The following IGSF9 variants were observed in gnomAD, a reference collection of about 807,000 sequenced individuals.
IGSF9 encodes protein turtle homolog A.
In IGSF9, 87 loss-of-function variants were observed where a neutral mutation model predicts 121.7. The ratio of observed to expected loss-of-function variants is 0.71; its 90% CI spans 0.60 to 0.85. The LOEUF is 0.85. Among genes scored for constraint, IGSF9 ranks in the 40% least tolerant of loss-of-function variants. The probability of loss-of-function intolerance (pLI) is 0.00; values close to 1 mark genes in which losing one functional copy is unlikely to be tolerated. For missense variants in IGSF9, 1,462 were observed against 1,565.3 expected (o/e 0.93, Z 1.11); for synonymous variants, 640 against 648.4 (o/e 0.99, Z 0.20).
chr1:159,929,746 C>A lies in IGSF9; in HGVS notation c.2218G>T (p.Val740Leu), dbSNP rs752765616. The change falls in exon 17 of 21, where the codon GTG becomes TTG. Residue 740 changes from valine to leucine, a missense_variant. Around this residue, in one of 3 missense-constraint regions of IGSF9, gnomAD observed 808 missense variants for 815.2 expected, o/e 0.99. Coordinates refer to ENST00000368094, the MANE Select transcript of IGSF9 (RefSeq NM_001135050.2). ...LLPQPVLAGV[V>L]GGVCFLGVAV... ...ACTCCCAGAAAGCAGACTCCGCCCA[C>A]CACGCCGGCCAGCACGGGCTGAGGC... is the stretch of plus-strand genomic sequence containing the variant. 1 of 1,604,016 alleles carries A rather than the reference C, an allele frequency of 6.2e-7. No homozygotes were observed. The highest frequency in any genetic ancestry group is 1.7e-5 in the Admixed American group (1 of 58,742).
intron 5 of IGSF9, 116 bp from the exon 6 acceptor site, chr1:159,936,632 G>A (rs928525509): frequency 1.4e-4 from 218 of 1,522,084 alleles, no homozygotes; most frequent in Non-Finnish European, 1.8e-4. Context: ...ACAATGCCAA[G>A]CCCTTCTTCT....
rs1650978837 is a variant in IGSF9 at position 159,931,069 on chromosome 1, G to A, written c.1637+69C>T. On this transcript the variant is annotated intron_variant, in intron 13 of 20. Coordinates refer to ENST00000368094, the MANE Select transcript of IGSF9 (RefSeq NM_001135050.2). The surrounding 1 kb of genome is among the most constrained non-coding windows in gnomAD (Gnocchi z 4.8). ...GGACAGAAGAAAGGGCAGAAGGCCAGATAGGTTCAAGGAGGAGAGGAAAGG... is the reference window on the plus strand; with the variant it reads ...GGACAGAAGAAAGGGCAGAAGGCCAAATAGGTTCAAGGAGGAGAGGAAAGG... 4 of 1,606,406 alleles carry A rather than the reference G, an allele frequency of 2.5e-6. No individual in the cohort carries two copies. Among genetic ancestry groups the A allele is most frequent in the Non-Finnish European group, 3.4e-6 (4 of 1,174,496 alleles).
At chr1:159,937,259 G>C (rs1161260822) in intron 4 of IGSF9, among the ~76,000 whole-genome samples, 2 of 152,198 alleles carry the variant, frequency 1.3e-5, no homozygotes, top group African/African-American at 4.8e-5. Context: ...TATGCAATGG[G>C]AATGATTATG....
intron 3 of IGSF9, 78 bp from the exon 4 acceptor site, chr1:159,937,916 TTA>T: frequency 6.8e-7 from 1 of 1,466,964 alleles, no homozygotes; most frequent in South Asian, 1.2e-5. Flanking sequence ...CTGGTAATTC[TTA>T]GAGGTAAGAA....
chr1:159,935,307 C>A (rs1409809710), intron 6 of IGSF9, among the ~76,000 whole-genome samples: 2 of 152,170 alleles, frequency 1.3e-5, no homozygotes, highest in Admixed American at 1.3e-4. Flanking sequence ...TGCTCAGGAA[C>A]CTGCAACAGC....
chr1:159,939,031 C>T (rs955305527), intron 3 of IGSF9, among the ~76,000 whole-genome samples: 1 of 152,176 alleles, frequency 6.6e-6, no homozygotes, highest in Non-Finnish European at 1.5e-5. Context: ...CGATTACCTC[C>T]CATATCTACT....
At position 159,931,773 on chromosome 1, in the gene IGSF9, T is replaced by G. The variant is rs925310675; in HGVS notation, c.1362+39A>C. The G allele has an allele frequency of 1.4e-6, 2 of 1,473,698 alleles. No individual in the cohort carries two copies. The highest frequency in any genetic ancestry group is 1.9e-6 in the Non-Finnish European group (2 of 1,079,420). 91.3% of individuals were successfully genotyped at this position (1,473,698 alleles called of 1,614,324 possible). On this transcript the variant is annotated intron_variant, in intron 11 of 20. Transcript: ENST00000368094. The surrounding 1 kb of genome is among the most constrained non-coding windows in gnomAD (Gnocchi z 4.8). ...TGGGGCACGAGAGGCAGGGGTGTAG[T>G]GGGCGTGGGTACAGGCAGAGCGGGC...
Position 159,934,903 on chromosome 1 carries a change from C to T in IGSF9, c.674-81G>A, listed in dbSNP as rs1429530712. ...CTGAGGTCACCTCTACAACTCTTCC[C>T]AGCTCTGCTCTCTGGAATCTTAGGG... On this transcript the variant is annotated intron_variant, in intron 6 of 20. Coordinates refer to ENST00000368094, the MANE Select transcript of IGSF9 (RefSeq NM_001135050.2). 5.9e-6 allele frequency: 9 copies of T among 1,528,234 alleles called. No individual in the cohort carries two copies. The Admixed American group carries it at 1.4e-4, about 24-fold the overall frequency. The allele number at this position is 1,528,234 out of a possible 1,614,324, so 94.7% of individuals were successfully genotyped here. A position where few individuals can be genotyped will look rare whatever the true frequency, so the allele number is the denominator to read the frequency against.
In IGSF9 at chr1:159,932,804, C is replaced by T. The variant is rs1651043370; in HGVS notation, c.1105-152G>A. ...CTAGGCCTGACCCCTCTCTGATTTC[C>T]AGTGCTTCCTTTCCTTCCTGCAGAG... On this transcript the variant is annotated intron_variant, in intron 9 of 20. Transcript: ENST00000368094. The surrounding 1 kb of genome is among the most constrained non-coding windows in gnomAD (Gnocchi z 4.1). 1 of 704,194 alleles carries T rather than the reference C, an allele frequency of 1.4e-6. No individual in the cohort carries two copies. The highest frequency in any genetic ancestry group is 3.2e-5 in the Admixed American group (1 of 31,002). 43.6% of individuals were successfully genotyped at this position (704,194 alleles called of 1,614,324 possible). A position where few individuals can be genotyped will look rare whatever the true frequency, so the allele number is the denominator to read the frequency against.
In IGSF9 at chr1:159,927,449, G is replaced by T; in HGVS notation, c.3436C>A (p.Arg1146=). Residue 1146 remains arginine, a synonymous_variant, in exon 21 of 21, where the codon CGG becomes AGG. Transcript: ENST00000368094. ...CGGCGGAAGGCCAGGAATTCCTCCCGAAGGGCAGCACAGCGGGCCTCAGGG... is the reference window on the plus strand; with the variant it reads ...CGGCGGAAGGCCAGGAATTCCTCCCTAAGGGCAGCACAGCGGGCCTCAGGG... ...TGPEARCAAL[R]EEFLAFRRRR... is the part of the protein sequence containing the mutation. The T allele has an allele frequency of 6.2e-7, 1 of 1,614,162 alleles. No individual in the cohort carries two copies. The highest frequency in any genetic ancestry group is 8.5e-7 in the Non-Finnish European group (1 of 1,180,034).
intron 3 of IGSF9, among the ~76,000 whole-genome samples, chr1:159,942,443 G>A (rs1429979041): frequency 6.6e-6 from 1 of 152,126 alleles, no homozygotes; most frequent in Non-Finnish European, 1.5e-5. Flanking sequence ...AAAGCAGAGA[G>A]GTCACAGCCG....
intron 5 of IGSF9, 61 bp from the exon 6 acceptor site, chr1:159,936,577 C>T (rs1341023291): frequency 7.7e-6 from 12 of 1,564,440 alleles, no homozygotes; most frequent in Admixed American, 3.5e-5. Flanking sequence ...CCTGCACTTC[C>T]GAGTTTGGCC....
rs760696488 is a variant in IGSF9, at chr1:159,931,583, G to T, written c.1383C>A (p.Gly461=). The change falls in exon 12 of 21, where the codon GGC becomes GGA. Residue 461 remains glycine, a synonymous_variant. Transcript: ENST00000368094. This position sits in a 1 kb window ranked among gnomAD's most constrained non-coding sequence, Gnocchi z 4.8. ...SWTKVGRGLQ[G]QAQVDSNSSL... ...TGCTGTTGCTGTCCACCTGGGCCTGGCCTTGCAGCCCCCGGCCCACCTACA... is the reference window on the plus strand; with the variant it reads ...TGCTGTTGCTGTCCACCTGGGCCTGTCCTTGCAGCCCCCGGCCCACCTACA... The T allele has an allele frequency of 2.5e-6, 4 of 1,613,930 alleles. No homozygotes were observed. In the South Asian group the frequency reaches 3.3e-5, roughly 13 times the overall value.
At position 159,928,778 on chromosome 1, in the gene IGSF9, C is replaced by T; in HGVS notation, c.2610G>A (p.Gln870=). ...AAPQERSGRE[Q]AEPRTPAQRL... The stretch of plus-strand genomic sequence containing the variant: ...GCTGGGCTGGAGTCCGAGGTTCTGC[C>T]TGCTCCCGGCCTGACCTTTCCTGGG... Residue 870 remains glutamine, a synonymous_variant, in exon 19 of 21, where the codon CAG becomes CAA. Coordinates refer to ENST00000368094, the MANE Select transcript of IGSF9 (RefSeq NM_001135050.2). The T allele has an allele frequency of 6.8e-7, 1 of 1,477,376 alleles. No homozygotes were observed. Among genetic ancestry groups the T allele is most frequent in the Non-Finnish European group, 9.0e-7 (1 of 1,112,312 alleles). 91.5% of individuals were successfully genotyped at this position (1,477,376 alleles called of 1,614,324 possible).
chr1:159,938,312 CG>C (rs1651266437), intron 3 of IGSF9, among the ~76,000 whole-genome samples: 1 of 152,154 alleles, frequency 6.6e-6, no homozygotes, highest in Admixed American at 6.5e-5. Flanking sequence ...ACCCAGACCC[CG>C]CCTGCCAAAG....
Position 159,927,397 on chromosome 1 carries a change from A to G in IGSF9, c.3488T>C (p.Leu1163Pro), listed in dbSNP as rs1420157609. 1.9e-6 allele frequency: 3 copies of G among 1,613,756 alleles called. No homozygotes were observed. Among genetic ancestry groups the G allele is most frequent in the Non-Finnish European group, 2.5e-6 (3 of 1,180,018 alleles). The change falls in exon 21 of 21, where the codon CTA becomes CCA. Residue 1163 changes from leucine to proline, a missense_variant. Physicochemically the swap from Leu to Pro is moderately conservative, Grantham distance 98 (BLOSUM62 -3). Around this residue, in one of 3 missense-constraint regions of IGSF9, gnomAD observed 808 missense variants for 815.2 expected, o/e 0.99. Coordinates refer to ENST00000368094, the MANE Select transcript of IGSF9 (RefSeq NM_001135050.2). ...RRRRDATRAR[L>P]PAYRQPVPHP... ...GGGGACTGGCTGTCGATAGGCTGGT[A>G]GCCGAGCCCTAGTAGCATCTCGGCG...
At chr1:159,927,996 C>T in intron 19 of IGSF9, 109 bp from the exon 20 acceptor site, 1 of 1,497,552 alleles carries the variant, frequency 6.7e-7, no homozygotes. Context: ...CATGGGTTTC[C>T]CCTGAAAAAT....
rs1651478540 is a variant in IGSF9 at position 159,943,492 on chromosome 1, C to T, written c.-38G>A. 3 of 1,507,678 alleles carry T rather than the reference C, an allele frequency of 2.0e-6. No individual in the cohort carries two copies. Among genetic ancestry groups the T allele is most frequent in the East Asian group, 4.9e-5 (2 of 41,186 alleles). 93.4% of individuals were successfully genotyped at this position (1,507,678 alleles called of 1,614,324 possible). On this transcript the variant is annotated 5_prime_UTR_variant, in exon 2 of 21. The change creates a new upstream start codon in the 5' untranslated region. Coordinates refer to ENST00000368094, the MANE Select transcript of IGSF9 (RefSeq NM_001135050.2). ...CTGCTCACCCAGCCCCTCCTATCCA[C>T]AGGAGCCCAGATGGAGGGGCCAAGG... is the stretch of plus-strand genomic sequence containing the variant.
Position 159,929,227 on chromosome 1 carries a change from T to A in IGSF9, c.2369+124A>T, listed in dbSNP as rs1416080537. ...GGCCACTGCACACCCCTTCTTACCC[T>A]CTCCCACTTTTGTTCCTCCCCAACA... On this transcript the variant is annotated intron_variant, in intron 18 of 20. Coordinates refer to ENST00000368094, the MANE Select transcript of IGSF9 (RefSeq NM_001135050.2). 6 of 1,371,956 alleles carry A rather than the reference T, an allele frequency of 4.4e-6. No individual in the cohort carries two copies. The African/African-American group carries it at 5.7e-5, about 13-fold the overall frequency. The allele number at this position is 1,371,956 out of a possible 1,614,324, so 85.0% of individuals were successfully genotyped here.
Sources: allele counts gnomAD v4.1 joint callset (sites outside exome capture counted in the v4.1 genomes callset), GRCh38; gene constraint gnomAD v4.1.1; regional missense constraint gnomAD v4.1.1; non-coding constraint Gnocchi (gnomAD v3.1); transcripts MANE v1.5; gene names NCBI Gene and HGNC (gene_info 2026-07-23, HGNC 2026-07-21).